The following NPR3 variants were observed in gnomAD, a reference collection of about 807,000 sequenced individuals.
NPR3 encodes atrial natriuretic peptide receptor 3.
A neutral mutation model predicts 54.5 loss-of-function variants in NPR3; 34 were observed. That is an observed-to-expected ratio of 0.62 (90% confidence interval 0.47 to 0.83). NPR3 has a LOEUF of 0.83. NPR3 is among the 40% of genes least tolerant of loss of function. NPR3 has a pLI of 0.00. For synonymous variants in NPR3, 289 were observed against 297.1 expected (o/e 0.97, Z 0.28); for missense variants, 674 against 720.8 (o/e 0.94, Z 0.74).
At chr5:32,740,013 T>C (rs1427927208) in intron 3 of NPR3, among the ~76,000 whole-genome samples, 1 of 152,222 alleles carries the variant, frequency 6.6e-6, no homozygotes, top group Non-Finnish European at 1.5e-5. Context: ...CCTGAGTAGC[T>C]GGTACCAAAG....
At chr5:32,712,631 C>G (rs1006571025) in intron 1 of NPR3, 86 bp downstream of exon 1, 1 of 1,267,666 alleles carries the variant, frequency 7.9e-7, no homozygotes, top group African/African-American at 1.5e-5. Context: ...TCTGCAGACC[C>G]CACTCCCCAC....
chr5:32,706,411 A>G (rs1362167237), upstream of NPR3, among the ~76,000 whole-genome samples: 3 of 152,236 alleles, frequency 2.0e-5, no homozygotes, highest in Admixed American at 6.5e-5. Flanking sequence ...CTGAAGACAA[A>G]CACAATTAAA....
rs1742714160 is a variant in NPR3, at chr5:32,787,806, G to A, written c.*1461G>A. The A allele has an allele frequency of 6.6e-6, 1 of 152,200 alleles. No individual in the cohort carries two copies. The highest frequency in any genetic ancestry group is 6.5e-5 in the Admixed American group (1 of 15,278). 9.4% of individuals were successfully genotyped at this position (152,200 alleles called of 1,614,324 possible). A position where few individuals can be genotyped will look rare whatever the true frequency, so the allele number is the denominator to read the frequency against. On this transcript the variant is annotated 3_prime_UTR_variant, in exon 8 of 8. Transcript: ENST00000265074. ...CTTTATGGAGAAGATAGACAGTGAG[G>A]GAGGAATGGGAAGCTGTCATGAGAG...
At chr5:32,702,416 C>T (rs1284780680) in intron 1 of NPR3, among the ~76,000 whole-genome samples, 1 of 114,764 alleles carries the variant, frequency 8.7e-6, no homozygotes, top group Non-Finnish European at 1.7e-5. Flanking sequence ...CCCCTCCCCC[C>T]ACCCCACAAC....
In NPR3 at chr5:32,739,184, T is replaced by TG. The variant is rs201804050; in HGVS notation, c.1059+154_1059+155insG. ...TGCCTTCTGTGTGTGTGTGTGTGTG[T>TG]TTTTTTTTTTTCCTTTCTGGGTGGT... On this transcript the variant is annotated intron_variant, in intron 3 of 7. Transcript: ENST00000265074. Among the ~76,000 whole-genome samples the TG allele has an allele frequency of 1.5e-3, 184 of 120,700 alleles. 1 individual carries two copies. The highest frequency in any genetic ancestry group is 3.4e-3 in the South Asian group (13 of 3,790). 79.2% of individuals were successfully genotyped at this position (120,700 alleles called of 152,430 possible).
chr5:32,729,419 G>C (rs1411432632), intron 2 of NPR3, among the ~76,000 whole-genome samples: 2 of 152,106 alleles, frequency 1.3e-5, no homozygotes, highest in Non-Finnish European at 2.9e-5. Context: ...AAAAGTTTTG[G>C]ATTTTGGAAC....
intron 3 of NPR3, among the ~76,000 whole-genome samples, chr5:32,761,477 A>G (rs982432012): frequency 1.3e-5 from 2 of 152,216 alleles, no homozygotes; most frequent in South Asian, 4.1e-4. Flanking sequence ...GTTCATTGCT[A>G]GTATATAGAA....
At chr5:32,760,611 T>A (rs932281848) in intron 3 of NPR3, among the ~76,000 whole-genome samples, 3 of 152,156 alleles carry the variant, frequency 2.0e-5, no homozygotes, top group Non-Finnish European at 4.4e-5. Context: ...AGTGAATATG[T>A]TCTCTGTCTT....
rs1739047710 is a variant in NPR3 at position 32,724,735 on chromosome 5, C to T, written c.807C>T (p.Ser269=). 2 of 1,613,956 alleles carry T rather than the reference C, an allele frequency of 1.2e-6. No homozygotes were observed. Among genetic ancestry groups the T allele is most frequent in the Middle Eastern group, 1.6e-4 (1 of 6,062 alleles). ...GTGCGAGCAGTGACACCATCCGGAG[C>T]ATCATGCTGGTGGCGCACAGGCATG... is the stretch of plus-strand genomic sequence containing the variant. ...IMCASSDTIR[S]IMLVAHRHGM... is the part of the protein sequence containing the mutation. Residue 269 remains serine, a synonymous_variant, in exon 2 of 8, where the codon AGC becomes AGT. Transcript: ENST00000265074.
chr5:32,761,037 C>T (rs1223631743), intron 3 of NPR3, among the ~76,000 whole-genome samples: 4 of 151,810 alleles, frequency 2.6e-5, no homozygotes, highest in Non-Finnish European at 5.9e-5. Flanking sequence ...TCTATTCTTA[C>T]ACCAGTTCTA....
intron 3 of NPR3, among the ~76,000 whole-genome samples, chr5:32,765,627 A>G (rs192185687): frequency 6.6e-6 from 1 of 152,202 alleles, no homozygotes; most frequent in Non-Finnish European, 1.5e-5. Flanking sequence ...AGATGCGCAA[A>G]AGTGCAAAAT....
chr5:32,710,859 G>GTTTTTTTTTTTTTTATTTTTTTT (rs1738174904), upstream of NPR3: 1 of 897,928 alleles, frequency 1.1e-6, no homozygotes, highest in Non-Finnish European at 1.5e-6. Flanking sequence ...CCCAGTCCTG[G>GTTTTTTTTTTTTTTATTTTTTTT]TTTTTTTTTT....
chr5:32,732,638 G>A (rs926806902), intron 2 of NPR3, among the ~76,000 whole-genome samples: 5 of 152,088 alleles, frequency 3.3e-5, no homozygotes, highest in Non-Finnish European at 7.4e-5. Flanking sequence ...GAATCACATG[G>A]TGGGCAGAGT....
At chr5:32,694,208 G>A (rs942984655) in intron 1 of NPR3, among the ~76,000 whole-genome samples, 7 of 152,228 alleles carry the variant, frequency 4.6e-5, no homozygotes, top group African/African-American at 1.7e-4. Flanking sequence ...TGGGATACCA[G>A]GGCCAATATC....
In NPR3 at chr5:32,782,884, T is replaced by C; in HGVS notation, c.1291-9T>C. 2.5e-6 allele frequency: 4 copies of C among 1,593,780 alleles called. No homozygotes were observed. Among genetic ancestry groups the C allele is most frequent in the Non-Finnish European group, 3.4e-6 (4 of 1,172,010 alleles). Reference sequence around the variant, plus strand: ...TTGGTTTGTCTATTTGTTTTTTGCCTCTATATAGGTTATTGGTGATTATTT... The same window carrying C: ...TTGGTTTGTCTATTTGTTTTTTGCCCCTATATAGGTTATTGGTGATTATTT... On this transcript the variant is annotated splice_polypyrimidine_tract_variant and intron_variant, in intron 5 of 7. Transcript: ENST00000265074.
chr5:32,698,427 T>C (rs1740586123), intron 1 of NPR3, among the ~76,000 whole-genome samples: 1 of 151,998 alleles, frequency 6.6e-6, no homozygotes, highest in Admixed American at 6.6e-5. Context: ...TTTTCTGTGC[T>C]GAGGAGAAGA....
At chr5:32,764,367 G>A (rs948830285) in intron 3 of NPR3, among the ~76,000 whole-genome samples, 7 of 151,978 alleles carry the variant, frequency 4.6e-5, no homozygotes, top group Non-Finnish European at 8.8e-5. Context: ...GGGCCAGGGG[G>A]TACCCTCAAG....
upstream of NPR3, chr5:32,710,873 T>TG: frequency 2.5e-6 from 3 of 1,210,322 alleles, no homozygotes; most frequent in Non-Finnish European, 2.2e-6. Flanking sequence ...TTTTTTTTTT[T>TG]TGCACGGTGT....
chr5:32,735,007 GTGCTC>G (rs1739654139), intron 2 of NPR3, among the ~76,000 whole-genome samples: 2 of 152,140 alleles, frequency 1.3e-5, no homozygotes, highest in Admixed American at 1.3e-4. Flanking sequence ...CAAAGTGTCT[GTGCTC>G]TGCCCTTCTC....
Sources: allele counts gnomAD v4.1 joint callset (sites outside exome capture counted in the v4.1 genomes callset), GRCh38; gene constraint gnomAD v4.1.1; transcripts MANE v1.5; gene names NCBI Gene and HGNC (gene_info 2026-07-23, HGNC 2026-07-21).